UBE2R2: variants seen among roughly 807,000 people sequenced by gnomAD.
UBE2R2 encodes ubiquitin conjugating enzyme E2 R2, also known as ubiquitin-conjugating enzyme E2 R2.
A neutral mutation model predicts 27.8 loss-of-function variants in UBE2R2; 1 was observed. The observed-to-expected ratio is 0.04, with a 90% confidence interval of 0.01 to 0.17. The LOEUF is 0.17. Among genes scored for constraint, UBE2R2 ranks in the 10% least tolerant of loss-of-function variants. The probability of loss-of-function intolerance (pLI) is 1.00; values close to 1 mark genes in which losing one functional copy is unlikely to be tolerated. For synonymous variants in UBE2R2, 106 were observed against 113.3 expected (o/e 0.94, Z 0.41); for missense variants, 100 against 291.0 (o/e 0.34, Z 4.78).
At chr9:33,891,913 G>T (rs1007040517) in intron 2 of UBE2R2, among the ~76,000 whole-genome samples, 1 of 152,118 alleles carries the variant, frequency 6.6e-6, no homozygotes, top group East Asian at 1.9e-4. Flanking sequence ...CATGCCTGTA[G>T]TCCCAGCTAC....
At position 33,917,000 on chromosome 9, in the gene UBE2R2, G is replaced by C. The variant is rs1364500270; in HGVS notation, c.498-18G>C. ...AAAAGACTTACCGTAAACCATTTCT[G>C]TGTCAACCTCCCTTCAGGAAACAAG... On this transcript the variant is annotated intron_variant, in intron 4 of 4. Coordinates refer to ENST00000263228, the MANE Select transcript of UBE2R2 (RefSeq NM_017811.4). The C allele has an allele frequency of 1.2e-6, 2 of 1,613,670 alleles. No homozygotes were observed. The highest frequency in any genetic ancestry group is 2.2e-5 in the East Asian group (1 of 44,894).
At chr9:33,909,340 T>G (rs1020430624) in intron 3 of UBE2R2, among the ~76,000 whole-genome samples, 1 of 152,004 alleles carries the variant, frequency 6.6e-6, no homozygotes, top group Non-Finnish European at 1.5e-5. Context: ...CAAAAAAATT[T>G]GGCCAACTGT....
intron 2 of UBE2R2, among the ~76,000 whole-genome samples, chr9:33,896,594 T>C (rs4878552): frequency 0.4 from 61,146 of 150,982 alleles, 12,721 homozygotes; most frequent in South Asian, 0.48. Flanking sequence ...CGGCGCTGTG[T>C]CATGACTGGC....
intron 2 of UBE2R2, among the ~76,000 whole-genome samples, chr9:33,891,959 G>A (rs1821996608): frequency 6.6e-6 from 1 of 152,122 alleles, no homozygotes; most frequent in Admixed American, 6.5e-5. Context: ...CTTGAGCCTA[G>A]AAGGTCGAGG....
intron 1 of UBE2R2, among the ~76,000 whole-genome samples, chr9:33,847,322 C>T (rs1184572300): frequency 6.6e-6 from 1 of 152,134 alleles, no homozygotes; most frequent in African/African-American, 2.4e-5. Context: ...GTCTTGAACT[C>T]TGGCCTCAAG....
In UBE2R2 at chr9:33,817,414, C is replaced by T. The variant is rs1321135760; in HGVS notation, c.-344C>T. On this transcript the variant is annotated 5_prime_UTR_variant, in exon 1 of 5. Transcript: ENST00000263228. ...CCATCGCCGGCCCTCCGCCGCCTTC[C>T]TCCGCTTCCACCTCCTCTCCCCCCC... Among the ~76,000 whole-genome samples the T allele has an allele frequency of 1.3e-5, 2 of 150,002 alleles. No individual in the cohort carries two copies. Among genetic ancestry groups the T allele is most frequent in the Non-Finnish European group, 3.0e-5 (2 of 67,036 alleles).
At chr9:33,880,315 C>T (rs757890348) in intron 1 of UBE2R2, among the ~76,000 whole-genome samples, 1 of 151,996 alleles carries the variant, frequency 6.6e-6, no homozygotes, top group Non-Finnish European at 1.5e-5. Context: ...TACAGATTTT[C>T]ATTGTCATTT....
intron 1 of UBE2R2, among the ~76,000 whole-genome samples, chr9:33,819,431 C>T (rs907596100): frequency 1.3e-5 from 2 of 152,170 alleles, no homozygotes; most frequent in Non-Finnish European, 2.9e-5. Context: ...GGTACCCCTA[C>T]CAACTGTTAG....
At chr9:33,837,444 A>G (rs1290307150) in intron 1 of UBE2R2, among the ~76,000 whole-genome samples, 1 of 136,262 alleles carries the variant, frequency 7.3e-6, no homozygotes, top group African/African-American at 2.8e-5. Context: ...TTTTTGAGAC[A>G]GGGTCTGCTC....
chr9:33,845,695 T>C (rs1158785900), intron 1 of UBE2R2, among the ~76,000 whole-genome samples: 1 of 152,168 alleles, frequency 6.6e-6, no homozygotes, highest in Non-Finnish European at 1.5e-5. Context: ...GAAATTCTAC[T>C]GTGATAAGAT....
chr9:33,862,911 A>G (rs1821273683), intron 1 of UBE2R2, among the ~76,000 whole-genome samples: 1 of 152,200 alleles, frequency 6.6e-6, no homozygotes, highest in Non-Finnish European at 1.5e-5. Flanking sequence ...TCATGCCTAA[A>G]GAAAGTATAC....
intron 1 of UBE2R2, among the ~76,000 whole-genome samples, chr9:33,836,494 G>A (rs1160891946): frequency 6.6e-6 from 1 of 152,086 alleles, no homozygotes; most frequent in African/African-American, 2.4e-5. Flanking sequence ...GGTGGCTCAT[G>A]CCTATGATCC....
At chr9:33,897,015 T>C (rs113379106) in intron 2 of UBE2R2, among the ~76,000 whole-genome samples, 12 of 148,870 alleles carry the variant, frequency 8.1e-5, no homozygotes, top group Admixed American at 2.1e-4. Context: ...AGCATACTTC[T>C]GTGGCCTAAT....
At chr9:33,838,390 A>G (rs1820661401) in intron 1 of UBE2R2, among the ~76,000 whole-genome samples, 1 of 151,110 alleles carries the variant, frequency 6.6e-6, no homozygotes, top group Non-Finnish European at 1.5e-5. Context: ...ACATATATAT[A>G]TACATTTTTA....
intron 1 of UBE2R2, among the ~76,000 whole-genome samples, chr9:33,843,249 A>G (rs1820770191): frequency 1.3e-5 from 2 of 151,596 alleles, no homozygotes; most frequent in Admixed American, 6.6e-5. Flanking sequence ...GGGTTTCACC[A>G]TGTTGGCCAG....
intron 1 of UBE2R2, among the ~76,000 whole-genome samples, chr9:33,819,928 C>T (rs1229318899): frequency 1.3e-5 from 2 of 152,214 alleles, no homozygotes; most frequent in Non-Finnish European, 2.9e-5. Context: ...TGAGCCACTG[C>T]GCCCGGCCAT....
At chr9:33,848,909 A>G (rs893965705) in intron 1 of UBE2R2, among the ~76,000 whole-genome samples, 16 of 152,004 alleles carry the variant, frequency 1.1e-4, no homozygotes, top group African/African-American at 3.9e-4. Context: ...CGCCGAGTCT[A>G]ATCTTAAAAT....
intron 1 of UBE2R2, among the ~76,000 whole-genome samples, chr9:33,855,723 T>A (rs1007006620): frequency 6.6e-6 from 1 of 152,116 alleles, no homozygotes; most frequent in African/African-American, 2.4e-5. Context: ...AGGAAACTTG[T>A]AAGAGGAAAG....
At chr9:33,859,779 TGTGTGTGTGTGTGTGTGTGTGA>T (rs1274654983) in intron 1 of UBE2R2, among the ~76,000 whole-genome samples, 2 of 112,786 alleles carry the variant, frequency 1.8e-5, no homozygotes, top group South Asian at 3.8e-4. Flanking sequence ...TGTGTGTGTG[TGTGTGTGTGTGTGTGTGTGTGA>T]GAGAGAGAGA....
Sources: gnomAD v4.1 joint callset for allele counts (sites outside exome capture counted in the v4.1 genomes callset) on GRCh38, gnomAD v4.1.1 for gene constraint, MANE v1.5 for transcripts, NCBI Gene and HGNC (gene_info 2026-07-23, HGNC 2026-07-21) for gene names.